Variants in RANBP2 observed in about 807,000 individuals in gnomAD.
RANBP2 encodes the protein E3 SUMO-protein ligase RanBP2.
Under a neutral mutation model 303.6 loss-of-function variants are expected in RANBP2, and 57 were observed. That is an observed-to-expected ratio of 0.19 (90% CI 0.15 to 0.23). RANBP2 has a LOEUF of 0.23. RANBP2 is among the 10% of genes least tolerant of loss of function. The pLI is 1.00. For synonymous variants in RANBP2, 1,167 were observed against 1,301.5 expected, an observed-to-expected ratio of 0.90 and a Z score of 2.23; for missense variants, 3,138 against 3,780.8, an observed-to-expected ratio of 0.83 and a Z score of 4.46.
chr2:109,645,818 T>C, the RANBP2 span, among the ~76,000 whole-genome samples: 1 of 152,154 alleles, frequency 6.6e-6, no homozygotes, highest in Non-Finnish European at 1.5e-5. Flanking sequence ...ACCCGGTAAG[T>C]CCAGCATGAG....
the RANBP2 span, among the ~76,000 whole-genome samples, chr2:109,501,201 G>A: frequency 6.6e-6 from 1 of 152,168 alleles, no homozygotes; most frequent in African/African-American, 2.4e-5. Context: ...GGGCAGGAGC[G>A]TGGATATGAG....
the RANBP2 span, among the ~76,000 whole-genome samples, chr2:109,106,654 G>A: frequency 6.6e-6 from 1 of 152,020 alleles, no homozygotes; most frequent in African/African-American, 2.4e-5. Context: ...GGCTGACACG[G>A]TGAAACCCCG....
chr2:109,246,252 T>C, the RANBP2 span, among the ~76,000 whole-genome samples: 1 of 152,244 alleles, frequency 6.6e-6, no homozygotes, highest in African/African-American at 2.4e-5. Flanking sequence ...CCCACAGTTC[T>C]AGACGCTGGT....
chr2:108,825,517 T>G, the RANBP2 span, among the ~76,000 whole-genome samples: 1 of 152,164 alleles, frequency 6.6e-6, no homozygotes, highest in Non-Finnish European at 1.5e-5. Context: ...CTTTCTGTCT[T>G]TATAGATTTT....
At chr2:109,299,463 C>T in the RANBP2 span, among the ~76,000 whole-genome samples, 1 of 152,026 alleles carries the variant, frequency 6.6e-6, no homozygotes, top group African/African-American at 2.4e-5. Flanking sequence ...CTGCCAGCCA[C>T]CAGGGCCTTT....
chr2:109,417,574 T>G, the RANBP2 span, among the ~76,000 whole-genome samples: 1 of 152,194 alleles, frequency 6.6e-6, no homozygotes, highest in South Asian at 2.1e-4. Context: ...CGACAGCCTC[T>G]GGACACCTGG....
chr2:109,525,588 G>T, the RANBP2 span, among the ~76,000 whole-genome samples: 30 of 152,338 alleles, frequency 2.0e-4, no homozygotes, highest in African/African-American at 6.0e-4. Flanking sequence ...CAGCCATGAG[G>T]AGGTCCAGCA....
chr2:108,913,233 G>A, the RANBP2 span, among the ~76,000 whole-genome samples: 6 of 152,130 alleles, frequency 3.9e-5, no homozygotes, highest in Admixed American at 1.3e-4. Flanking sequence ...ACAGGCATGA[G>A]CCACCGCGCC....
the RANBP2 span, chr2:109,371,642 G>A: frequency 1.2e-6 from 2 of 1,614,026 alleles, no homozygotes; most frequent in African/African-American, 1.3e-5. Context: ...AAGGCATGCT[G>A]GGAGACAAGA....
chr2:109,283,076 C>A, the RANBP2 span, among the ~76,000 whole-genome samples: 1 of 152,178 alleles, frequency 6.6e-6, no homozygotes. Context: ...TTGGCCAGGG[C>A]CAGAGTCATG....
chr2:109,062,964 G>C, the RANBP2 span, among the ~76,000 whole-genome samples: 2 of 152,168 alleles, frequency 1.3e-5, no homozygotes, highest in Non-Finnish European at 2.9e-5. Context: ...CACCCACGCT[G>C]ACCCTGTGCC....
In RANBP2 at chr2:108,783,601, A is replaced by G. The variant is rs147455178; in HGVS notation, c.9375A>G (p.Gly3125=). Residue 3125 remains glycine (G), a synonymous_variant, in exon 29 of 29, where the codon GGA becomes GGG. Coordinates refer to ENST00000283195, the MANE Select transcript of RANBP2 (RefSeq NM_006267.5). ...RVIPDFVCQG[G]DITKHDGTGG... ...ATTATAAATCTTTTTTTCAGGGAGG[A>G]GATATCACCAAACATGATGGAACAG... is the stretch of plus-strand genomic sequence containing the variant. 1.4e-5 allele frequency: 23 copies of G among 1,606,628 alleles called. No individual in the cohort carries two copies. In the African/African-American group the frequency reaches 2.5e-4, roughly 18 times the overall value.
the RANBP2 span, chr2:109,419,730 G>T: frequency 3.1e-6 from 4 of 1,300,600 alleles, no homozygotes; most frequent in Non-Finnish European, 3.2e-6. Context: ...GTTTCCGCAG[G>T]GTTTTCCCAT....
the RANBP2 span, among the ~76,000 whole-genome samples, chr2:108,842,547 A>G: frequency 3.3e-5 from 5 of 152,240 alleles, no homozygotes; most frequent in African/African-American, 9.6e-5. Context: ...GCAAGCAGAC[A>G]TGAGTTCTAG....
At chr2:109,411,216 A>C in the RANBP2 span, among the ~76,000 whole-genome samples, 2 of 152,192 alleles carry the variant, frequency 1.3e-5, no homozygotes, top group Non-Finnish European at 2.9e-5. Context: ...TTGGGGGCTG[A>C]AAGTACATCC....
the RANBP2 span, among the ~76,000 whole-genome samples, chr2:109,648,458 C>T: frequency 6.6e-6 from 1 of 152,056 alleles, no homozygotes. Flanking sequence ...GTTCTCTTGC[C>T]TCAGCCTCCC....
chr2:109,093,190 C>A, the RANBP2 span, among the ~76,000 whole-genome samples: 2 of 152,164 alleles, frequency 1.3e-5, no homozygotes, highest in Admixed American at 1.3e-4. Flanking sequence ...GCAATAGAAA[C>A]GGCTCAATGC....
At chr2:109,560,791 C>A in the RANBP2 span, among the ~76,000 whole-genome samples, 1 of 152,120 alleles carries the variant, frequency 6.6e-6, no homozygotes, top group Admixed American at 6.5e-5. Flanking sequence ...AGCCATGAAA[C>A]CATAAATTCA....
the RANBP2 span, among the ~76,000 whole-genome samples, chr2:109,719,805 C>CGAAA: frequency 6.6e-6 from 1 of 152,234 alleles, no homozygotes; most frequent in Non-Finnish European, 1.5e-5. Flanking sequence ...AAGGCCTTTT[C>CGAAA]ATAAGCATCG....
Sources: gnomAD v4.1 joint callset for allele counts (sites outside exome capture counted in the v4.1 genomes callset) on GRCh38, gnomAD v4.1.1 for gene constraint, MANE v1.5 for transcripts, NCBI Gene and HGNC (gene_info 2026-07-23, HGNC 2026-07-21) for gene names.